Variants in PAIP2 observed in about 807,000 individuals in gnomAD.
The protein encoded by PAIP2 is polyadenylate-binding protein-interacting protein 2.
A neutral mutation model predicts 14.8 loss-of-function variants in PAIP2; 7 were observed. That is an observed-to-expected ratio of 0.47 (90% CI 0.27 to 0.89). PAIP2 has a LOEUF of 0.89. Ranked by LOEUF, PAIP2 falls within the 40% of genes least tolerant of loss-of-function variation. PAIP2 has a pLI of 0.13. For missense variants in PAIP2, 122 were observed against 154.7 expected (o/e 0.79, Z 1.12); for synonymous variants, 47 against 45.3 (o/e 1.04, Z -0.15).
intron 1 of PAIP2, among the ~76,000 whole-genome samples, chr5:139,350,500 A>T (rs1298519501): frequency 6.6e-6 from 1 of 150,826 alleles, no homozygotes; most frequent in Non-Finnish European, 1.5e-5. Context: ...TCATGGTGGC[A>T]TGCGCCTGTA....
chr5:139,359,074 A>G (rs1756997826), intron 1 of PAIP2, among the ~76,000 whole-genome samples: 1 of 152,064 alleles, frequency 6.6e-6, no homozygotes, highest in Admixed American at 6.6e-5. Context: ...CCTCGGGCTA[A>G]TATGATCTTC....
chr5:139,345,721 G>A (rs937573162), intron 1 of PAIP2, among the ~76,000 whole-genome samples: 4 of 150,096 alleles, frequency 2.7e-5, no homozygotes, highest in African/African-American at 7.4e-5. Context: ...TCCACCTCCC[G>A]GGTTCATGCC....
intron 3 of PAIP2, among the ~76,000 whole-genome samples, chr5:139,368,162 C>T (rs573372014): frequency 3.9e-5 from 6 of 152,180 alleles, no homozygotes; most frequent in East Asian, 1.9e-4. Context: ...GGTGAAACCC[C>T]GTCTTTACTA....
At chr5:139,351,608 T>C (rs1334106219) in intron 1 of PAIP2, among the ~76,000 whole-genome samples, 1 of 152,218 alleles carries the variant, frequency 6.6e-6, no homozygotes, top group Non-Finnish European at 1.5e-5. Context: ...GGAAAAACTA[T>C]ATACGCTTTA....
At chr5:139,360,642 A>C (rs569151405) in intron 1 of PAIP2, among the ~76,000 whole-genome samples, 1 of 152,088 alleles carries the variant, frequency 6.6e-6, no homozygotes, top group East Asian at 1.9e-4. Context: ...GCAGGCGTGC[A>C]CCACTGTACC....
intron 1 of PAIP2, among the ~76,000 whole-genome samples, chr5:139,349,773 A>G (rs1263081890): frequency 6.6e-6 from 1 of 151,672 alleles, no homozygotes; most frequent in South Asian, 2.1e-4. Flanking sequence ...GGAGGCTGAG[A>G]TAGGTGGATC....
intron 3 of PAIP2, among the ~76,000 whole-genome samples, chr5:139,365,746 A>G (rs1267217761): frequency 6.6e-6 from 1 of 151,996 alleles, no homozygotes; most frequent in Admixed American, 6.6e-5. Context: ...TTCCGGCAAC[A>G]CTGTAGAGCT....
At chr5:139,368,219 TC>T (rs987435392) in intron 3 of PAIP2, among the ~76,000 whole-genome samples, 8 of 151,964 alleles carry the variant, frequency 5.3e-5, no homozygotes, top group Non-Finnish European at 1.2e-4. Context: ...GCGCCTGTAG[TC>T]CCAGCTACTC....
At chr5:139,346,104 C>A (rs1414795107) in intron 1 of PAIP2, among the ~76,000 whole-genome samples, 1 of 152,086 alleles carries the variant, frequency 6.6e-6, no homozygotes, top group East Asian at 1.9e-4. Flanking sequence ...CAATAAAGCC[C>A]TAAGTTGATA....
Position 139,368,197 on chromosome 5 carries a change from G to A in PAIP2, c.319-536G>A, listed in dbSNP as rs555910053. ...AAAAATACAACAAAAAATTAGCTGG[G>A]CGTGGCGGTGGGCGCCTGTAGTCCC... On this transcript the variant is annotated intron_variant, in intron 3 of 3. Transcript: ENST00000265192. Among the ~76,000 whole-genome samples the A allele has an allele frequency of 1.2e-3, 189 of 152,354 alleles. 6 individuals are homozygous for A. Among genetic ancestry groups the A allele is most frequent in the Admixed American group, 1.7e-3 (26 of 15,310 alleles).
intron 1 of PAIP2, among the ~76,000 whole-genome samples, chr5:139,361,460 C>G (rs757213883): frequency 6.6e-6 from 1 of 152,056 alleles, no homozygotes; most frequent in African/African-American, 2.4e-5. Context: ...CTTGAGTTTA[C>G]GTACAGGTGA....
intron 1 of PAIP2, among the ~76,000 whole-genome samples, chr5:139,363,530 G>A (rs73255260): frequency 0.012 from 1,877 of 152,100 alleles, 49 homozygotes; most frequent in African/African-American, 0.043. Context: ...AGACCAGCTT[G>A]GGTAACACAG....
intron 3 of PAIP2, among the ~76,000 whole-genome samples, chr5:139,368,357 TAAATA>T (rs1413853935): frequency 6.7e-6 from 1 of 148,210 alleles, no homozygotes; most frequent in Non-Finnish European, 1.5e-5. Flanking sequence ...AAAAACTAAA[TAAATA>T]AATAAAAATA....
At chr5:139,361,974 TA>T (rs1757079702) in intron 1 of PAIP2, among the ~76,000 whole-genome samples, 1 of 149,248 alleles carries the variant, frequency 6.7e-6, no homozygotes, top group Non-Finnish European at 1.5e-5. Context: ...AAACTCACTG[TA>T]CAGTGAGGAA....
chr5:139,365,991 A>G (rs1006360915), intron 3 of PAIP2, among the ~76,000 whole-genome samples: 4 of 152,046 alleles, frequency 2.6e-5, no homozygotes, highest in East Asian at 1.9e-4. Flanking sequence ...CACGAGGTCA[A>G]GAGTTCGAGA....
At chr5:139,354,822 CTT>C (rs113652416) in intron 1 of PAIP2, among the ~76,000 whole-genome samples, 18 of 139,376 alleles carry the variant, frequency 1.3e-4, no homozygotes, top group Admixed American at 2.9e-4. Flanking sequence ...TCAGTTGTAC[CTT>C]TTTTTTTTTT....
chr5:139,356,183 C>G (rs1266098987), intron 1 of PAIP2, among the ~76,000 whole-genome samples: 1 of 149,646 alleles, frequency 6.7e-6, no homozygotes, highest in East Asian at 2.0e-4. Context: ...CACGGTGGCT[C>G]ACGCCTGTAA....
chr5:139,341,903 G>A lies in PAIP2; in HGVS notation c.-104G>A, dbSNP rs530604406. 1 of 152,906 alleles carries A rather than the reference G, an allele frequency of 6.5e-6. No individual in the cohort carries two copies. Among genetic ancestry groups the A allele is most frequent in the Non-Finnish European group, 1.5e-5 (1 of 68,258 alleles). The allele number at this position is 152,906 out of a possible 1,614,324, so 9.5% of individuals were successfully genotyped here. On this transcript the variant is annotated 5_prime_UTR_variant, in exon 1 of 4. Transcript: ENST00000265192. ...GCGGCGGGCGAAGCGCACGTCGAGC[G>A]GGGGAGCGGCGCTGCCTGTGGAGAT...
chr5:139,368,708 G>C (rs913982852), intron 3 of PAIP2, 25 bp from the exon 4 acceptor site: 5 of 1,561,966 alleles, frequency 3.2e-6, no homozygotes, highest in Non-Finnish European at 4.4e-6. Flanking sequence ...TAATGAACTT[G>C]CTTTTTTATG....
Sources: gnomAD v4.1 joint callset for allele counts (sites outside exome capture counted in the v4.1 genomes callset) on GRCh38, gnomAD v4.1.1 for gene constraint, MANE v1.5 for transcripts, NCBI Gene and HGNC (gene_info 2026-07-23, HGNC 2026-07-21) for gene names.